Variants in FES observed in about 807,000 individuals in gnomAD.
The protein encoded by FES is FES proto-oncogene, tyrosine kinase, also known as tyrosine-protein kinase Fes/Fps.
A neutral mutation model predicts 109.6 loss-of-function variants in FES; 83 were observed. The observed-to-expected ratio is 0.76, with a 90% CI of 0.63 to 0.91. The LOEUF (loss-of-function observed/expected upper bound fraction) is 0.91, where lower values mean the gene tolerates loss of function less well. FES is among the 40% of genes least tolerant of loss of function. FES has a pLI of 0.00. For missense variants in FES, 943 were observed against 1,070.9 expected, an observed-to-expected ratio of 0.88 and a Z score of 1.67; for synonymous variants, 458 against 442.1, an observed-to-expected ratio of 1.04 and a Z score of -0.45.
intron 16 of FES, 95 bp from the exon 17 acceptor site, chr15:90,893,559 C>T (rs186065100): frequency 2.1e-5 from 32 of 1,497,974 alleles, no homozygotes; most frequent in East Asian, 1.4e-4. Context: ...TGCCCAGGGC[C>T]GGGAGCAGCT....
At chr15:90,890,741 TGGAGGA>T (rs1321360018) in intron 10 of FES, among the ~76,000 whole-genome samples, 1 of 152,040 alleles carries the variant, frequency 6.6e-6, no homozygotes, top group Non-Finnish European at 1.5e-5. Flanking sequence ...GCCTGTGGCC[TGGAGGA>T]GGAGGCACCA....
At chr15:90,890,600 T>C in intron 10 of FES, 116 bp downstream of exon 10, 1 of 951,752 alleles carries the variant, frequency 1.1e-6, no homozygotes, top group South Asian at 1.5e-5. Flanking sequence ...CTCTCTTCCC[T>C]GGGATTCCAG....
At chr15:90,888,752 A>G (rs925963541) in intron 5 of FES, among the ~76,000 whole-genome samples, 28 of 11,862 alleles carry the variant, frequency 2.4e-3, no homozygotes, top group Admixed American at 4.4e-3. Context: ...CAGTTCATTT[A>G]TTTATTTATT....
intron 13 of FES, 36 bp downstream of exon 13, chr15:90,892,147 G>A (rs377021804): frequency 4.4e-5 from 71 of 1,612,726 alleles, no homozygotes; most frequent in African/African-American, 6.7e-5. Flanking sequence ...TGTCGCTGGC[G>A]ACTTCTCCTG....
intron 1 of FES, 77 bp from the exon 2 acceptor site, chr15:90,884,960 T>A (rs570927841): frequency 1.6e-6 from 2 of 1,229,314 alleles, no homozygotes; most frequent in Non-Finnish European, 2.3e-6. Context: ...GACCCTACAG[T>A]CCCCAGTCTC....
In FES at chr15:90,892,727, C is replaced by T; in HGVS notation, c.1728C>T (p.Phe576=). The T allele has an allele frequency of 1.2e-6, 2 of 1,611,398 alleles. No homozygotes were observed. Among genetic ancestry groups the T allele is most frequent in the Non-Finnish European group, 1.7e-6 (2 of 1,179,098 alleles). Residue 576 remains phenylalanine, a synonymous_variant, in exon 14 of 19, where the codon TTC becomes TTT. Transcript: ENST00000328850. ...TTCAGGGGAACTTTGGCGAAGTGTTCAGCGGACGCCTGCGAGCCGACAACA... is the reference window on the plus strand; with the variant it reads ...TTCAGGGGAACTTTGGCGAAGTGTTTAGCGGACGCCTGCGAGCCGACAACA... The part of the protein sequence containing the change: ...QIGRGNFGEV[F]SGRLRADNTL...
rs565212505 is a variant in FES, at chr15:90,893,175, C to T, written c.1902C>T (p.Ile634=). ...GCACCCAGAAGCAGCCCATCTACAT[C>T]GTCATGGAGCTTGTGCAGGGTGAGC... The part of the protein sequence containing the change: ...GVCTQKQPIY[I]VMELVQGGDF... Residue 634 remains isoleucine, a synonymous_variant, in exon 15 of 19, where the codon ATC becomes ATT. Coordinates refer to ENST00000328850, the MANE Select transcript of FES (RefSeq NM_002005.4). The T allele has an allele frequency of 5.0e-6, 8 of 1,613,958 alleles. No homozygotes were observed. In the Admixed American group the frequency reaches 5.0e-5, roughly 10 times the overall value.
intron 5 of FES, 40 bp downstream of exon 5, chr15:90,887,410 C>T (rs1172560026): frequency 1.9e-6 from 3 of 1,561,656 alleles, no homozygotes; most frequent in African/African-American, 1.4e-5. Flanking sequence ...CACCCTTGAG[C>T]AGCCCTAAGC....
At position 90,889,210 on chromosome 15, in the gene FES, C is replaced by T; in HGVS notation, c.669-96C>T. ...AGCTCGAAGTGAGGCAGGGGTCAACCCCAGCCCTGACTCCAAACCCAGGGT... is the reference window on the plus strand; with the variant it reads ...AGCTCGAAGTGAGGCAGGGGTCAACTCCAGCCCTGACTCCAAACCCAGGGT... On this transcript the variant is annotated intron_variant, in intron 5 of 18. Transcript: ENST00000328850. The surrounding 1 kb of genome is among the most constrained non-coding windows in gnomAD (Gnocchi z 6.1). 1.3e-6 allele frequency: 2 copies of T among 1,534,056 alleles called. No individual in the cohort carries two copies. The highest frequency in any genetic ancestry group is 1.8e-6 in the Non-Finnish European group (2 of 1,134,886).
Position 90,894,721 on chromosome 15 carries a change from A to T in FES, c.2326+663A>T, listed in dbSNP as rs2033551459. ...GTGGAGGTTGCAGTGAGCTGAGATC[A>T]TGCCACTGCACCCCAACCTGGGTGA... On this transcript the variant is annotated intron_variant, in intron 18 of 18. Transcript: ENST00000328850. Among the ~76,000 whole-genome samples the T allele has an allele frequency of 2.0e-5, 3 of 150,230 alleles. No homozygotes were observed. In the South Asian group the frequency reaches 6.5e-4, roughly 33 times the overall value.
intron 18 of FES, 86 bp from the exon 19 acceptor site, chr15:90,895,330 T>C (rs919267439): frequency 2.5e-6 from 3 of 1,198,638 alleles, no homozygotes; most frequent in African/African-American, 3.1e-5. Context: ...CTTAAGCAGC[T>C]CCTATGGCTC....
chr15:90,888,831 G>A (rs1311279520), intron 5 of FES, among the ~76,000 whole-genome samples: 3 of 151,814 alleles, frequency 2.0e-5, no homozygotes, highest in Non-Finnish European at 4.4e-5. Flanking sequence ...AGGCTGGAGT[G>A]CAGTGGCGCG....
rs202126199 is a variant in FES at position 90,887,935 on chromosome 15, A to G, written c.668+565A>G. On this transcript the variant is annotated intron_variant, in intron 5 of 18. Coordinates refer to ENST00000328850, the MANE Select transcript of FES (RefSeq NM_002005.4). ...AGGAGAGTACCAGGGACTAATAGCC[A>G]GGAACCAGTGGTGCCTCTGAGAGTG... Among the ~76,000 whole-genome samples the G allele has an allele frequency of 7.2e-5, 11 of 152,316 alleles. No homozygotes were observed. In the East Asian group the frequency reaches 1.2e-3, roughly 16 times the overall value.
rs200403949 is a variant in FES, at chr15:90,894,018, C to T, written c.2286C>T (p.Pro762=). 37 of 1,613,896 alleles carry T rather than the reference C, an allele frequency of 2.3e-5. No individual in the cohort carries two copies. The highest frequency in any genetic ancestry group is 3.1e-5 in the Non-Finnish European group (36 of 1,180,008). The change falls in exon 18 of 19, where the codon CCC becomes CCT. Residue 762 remains proline, a synonymous_variant. Transcript: ENST00000328850. ...TCAGCCTGGGGGCCTCCCCCTATCC[C>T]AACCTCAGCAATCAGCAGACACGGG... ...ETFSLGASPY[P]NLSNQQTREF...
chr15:90,895,635 G>C lies in FES; in HGVS notation c.*77G>C. The C allele has an allele frequency of 7.5e-7, 1 of 1,339,116 alleles. No homozygotes were observed. The highest frequency in any genetic ancestry group is 9.9e-7 in the Non-Finnish European group (1 of 1,006,818). The allele number at this position is 1,339,116 out of a possible 1,614,324, so 83.0% of individuals were successfully genotyped here. A position where few individuals can be genotyped will look rare whatever the true frequency, so the allele number is the denominator to read the frequency against. ...CCTCAGCGGCTCCAGCTCATATGCT[G>C]ACAGCTCTTCACAGTCCTGGACTCC... On this transcript the variant is annotated 3_prime_UTR_variant, in exon 19 of 19. Coordinates refer to ENST00000328850, the MANE Select transcript of FES (RefSeq NM_002005.4).
intron 12 of FES, 116 bp from the exon 13 acceptor site, chr15:90,891,942 G>C (rs2677734): frequency 3.1e-4 from 367 of 1,179,436 alleles, no homozygotes; most frequent in Admixed American, 2.8e-4. Flanking sequence ...TGCTCCCCAC[G>C]TGGTCCCACC....
At chr15:90,894,153 C>A in intron 18 of FES, 95 bp downstream of exon 18, 2 of 1,434,026 alleles carry the variant, frequency 1.4e-6, no homozygotes, top group Non-Finnish European at 9.5e-7. Flanking sequence ...ACCTTCCCAC[C>A]AGGCAGAATA....
chr15:90,884,771 T>G, intron 1 of FES: 1 of 393,374 alleles, frequency 2.5e-6, no homozygotes, highest in Non-Finnish European at 4.6e-6. Flanking sequence ...TAAGGGGTGG[T>G]GGGTGGAAGG....
At chr15:90,884,635 C>T (rs929585331) in intron 1 of FES, 91 bp downstream of exon 1, 3 of 169,534 alleles carry the variant, frequency 1.8e-5, no homozygotes, top group Admixed American at 1.2e-4. Context: ...CAGAGACCCA[C>T]CCAGGTGGGG....
Sources: gnomAD v4.1 joint callset for allele counts (sites outside exome capture counted in the v4.1 genomes callset) on GRCh38, gnomAD v4.1.1 for gene constraint, Gnocchi (gnomAD v3.1) non-coding constraint, MANE v1.5 for transcripts, NCBI Gene and HGNC (gene_info 2026-07-23, HGNC 2026-07-21) for gene names.